TENM1: variants seen among roughly 807,000 people sequenced by gnomAD.
The protein encoded by TENM1 is teneurin transmembrane protein 1, also known as teneurin-1.
TENM1 carries 35 observed loss-of-function variants against 174.8 expected under a neutral mutation model. That is an observed-to-expected ratio of 0.20 (90% CI 0.15 to 0.27). The LOEUF (loss-of-function observed/expected upper bound fraction) is 0.27, where lower values mean the gene tolerates loss of function less well. Ranked by LOEUF, TENM1 falls within the 10% of genes least tolerant of loss-of-function variation. The pLI, the probability that TENM1 is intolerant of heterozygous loss-of-function variation, is 1.00. For synonymous variants in TENM1, 781 were observed against 798.7 expected (o/e 0.98, Z 0.37); for missense variants, 1,633 against 2,130.1 (o/e 0.77, Z 4.59).
At chrX:124,778,900 A>G (rs749372919) in intron 3 of TENM1, among the ~76,000 whole-genome samples, 1 of 111,969 alleles carries the variant, frequency 8.9e-6, no homozygotes, top group African/African-American at 3.2e-5. Context: ...TATATTTTTA[A>G]TTAGCTGCCA....
intron 14 of TENM1, among the ~76,000 whole-genome samples, chrX:124,559,698 G>T (rs1471338272): frequency 9.0e-6 from 1 of 111,034 alleles, no homozygotes; most frequent in Non-Finnish European, 1.9e-5. Context: ...CTACATAATG[G>T]GGATTAAATG....
intron 12 of TENM1, 129 bp downstream of exon 15, chrX:124,565,246 G>C (rs376427723): frequency 1.1e-4 from 44 of 409,750 alleles, no homozygotes; most frequent in African/African-American, 9.8e-4. Flanking sequence ...TTTAAAACTT[G>C]TAACCAACCC....
the TENM1 span, among the ~76,000 whole-genome samples, chrX:124,991,511 A>G: frequency 9.1e-6 from 1 of 109,411 alleles, no homozygotes; most frequent in African/African-American, 3.3e-5. Flanking sequence ...AGAGAGACAG[A>G]GAGACAGAGA....
At chrX:124,424,423 T>C (rs1229653653) in intron 23 of TENM1, among the ~76,000 whole-genome samples, 1 of 112,201 alleles carries the variant, frequency 8.9e-6, no homozygotes, top group Non-Finnish European at 1.9e-5. Context: ...CACTAGAACT[T>C]AGTCTTCCTA....
chrX:124,450,277 G>A (rs934355283), intron 23 of TENM1, among the ~76,000 whole-genome samples: 3 of 108,617 alleles, frequency 2.8e-5, no homozygotes, highest in Non-Finnish European at 3.8e-5. Context: ...GGAGAATGGC[G>A]TGAACCCGGG....
intron 3 of TENM1, among the ~76,000 whole-genome samples, chrX:124,742,757 C>T (rs759092213): frequency 9.1e-6 from 1 of 110,465 alleles, no homozygotes; most frequent in South Asian, 3.9e-4. Flanking sequence ...ATTTAACCAC[C>T]TTCCTGAGCT....
At chrX:124,585,815 G>A (rs992155723) in intron 11 of TENM1, among the ~76,000 whole-genome samples, 53 of 111,419 alleles carry the variant, frequency 4.8e-4, no homozygotes, top group Admixed American at 9.5e-5. Context: ...AGAAAAGACA[G>A]AATAATCAAA....
intron 18 of TENM1, among the ~76,000 whole-genome samples, chrX:124,504,622 G>T (rs185368807): frequency 1.8e-5 from 2 of 111,257 alleles, no homozygotes; most frequent in African/African-American, 3.3e-5. Context: ...ATCCTGAAGC[G>T]GCTTTCCCTC....
intron 15 of TENM1, among the ~76,000 whole-genome samples, chrX:124,537,979 G>T (rs2148092634): frequency 8.9e-6 from 1 of 111,944 alleles, no homozygotes; most frequent in South Asian, 3.7e-4. Flanking sequence ...ATCATCAGTT[G>T]AAACAGCCTT....
intron 5 of TENM1, among the ~76,000 whole-genome samples, chrX:124,699,168 T>C (rs2052718060): frequency 8.9e-6 from 1 of 111,762 alleles, no homozygotes; most frequent in Admixed American, 9.5e-5. Context: ...GAGCTAAATT[T>C]CTTCTTTATG....
At chrX:124,979,659 C>T in the TENM1 span, among the ~76,000 whole-genome samples, 1 of 110,608 alleles carries the variant, frequency 9.0e-6, no homozygotes, top group Admixed American at 9.7e-5. Context: ...ACAGGAAGTA[C>T]TGGAGATGGA....
At chrX:125,192,123 T>C in the TENM1 span, among the ~76,000 whole-genome samples, 3 of 111,400 alleles carry the variant, frequency 2.7e-5, no homozygotes, top group South Asian at 3.8e-4. Flanking sequence ...TAAACTTCTG[T>C]TCTTTATTTT....
intron 27 of TENM1, among the ~76,000 whole-genome samples, chrX:124,396,629 G>A (rs2060338216): frequency 1.8e-5 from 2 of 110,762 alleles, no homozygotes; most frequent in Non-Finnish European, 3.8e-5. Flanking sequence ...GAGTGCTCAC[G>A]TGCCACCAGC....
intron 20 of TENM1, among the ~76,000 whole-genome samples, chrX:124,496,679 T>C (rs16999217): frequency 0.23 from 25,988 of 111,050 alleles, 2,579 homozygotes; most frequent in African/African-American, 0.37. Flanking sequence ...TGGAATAGTT[T>C]TGATGAGTCT....
chrX:124,532,223 C>T (rs547840070), intron 15 of TENM1, among the ~76,000 whole-genome samples: 1 of 111,958 alleles, frequency 8.9e-6, no homozygotes, highest in South Asian at 3.7e-4. Context: ...TTTTTATTTG[C>T]TCACATTAAT....
exon 32 of TENM1, chrX:124,379,529 T>C (rs1057419804): frequency 1.8e-5 from 2 of 112,303 alleles, no homozygotes. Context: ...TTGGCTCTTA[T>C]GAATTTCTGC....
chrX:124,549,705 A>C (rs2048515424), intron 14 of TENM1, among the ~76,000 whole-genome samples: 1 of 110,970 alleles, frequency 9.0e-6, no homozygotes, highest in Admixed American at 9.7e-5. Flanking sequence ...GCTCCTGTTG[A>C]GTCTAGAAAG....
At chrX:124,876,571 G>C (rs2057206994) in intron 3 of TENM1, among the ~76,000 whole-genome samples, 1 of 111,354 alleles carries the variant, frequency 9.0e-6, no homozygotes, top group African/African-American at 3.3e-5. Flanking sequence ...AAAAGATTTG[G>C]AAGCTTTCAT....
the TENM1 span, among the ~76,000 whole-genome samples, chrX:125,010,801 A>G: frequency 3.0e-5 from 3 of 101,655 alleles, no homozygotes; most frequent in South Asian, 4.8e-4. Flanking sequence ...GCAACAGAGC[A>G]AGACTCCGTC....
Sources: gnomAD v4.1 joint callset for allele counts (sites outside exome capture counted in the v4.1 genomes callset) on GRCh38, gnomAD v4.1.1 for gene constraint, MANE v1.5 for transcripts, NCBI Gene and HGNC (gene_info 2026-07-23, HGNC 2026-07-21) for gene names.